TYW1B: variants seen among roughly 807,000 people sequenced by gnomAD.
TYW1B encodes S-adenosyl-L-methionine-dependent tRNA 4-demethylwyosine synthase TYW1B.
A neutral mutation model predicts 86.9 loss-of-function variants in TYW1B; 73 were observed. The ratio of observed to expected loss-of-function variants is 0.84; its 90% CI spans 0.70 to 1.02. The LOEUF is 1.02. Among genes scored for constraint, TYW1B ranks in the 50% least tolerant of loss-of-function variants. TYW1B has a pLI of 0.00. For synonymous variants in TYW1B, 248 were observed against 292.8 expected (o/e 0.85, Z 1.56); for missense variants, 637 against 827.4 (o/e 0.77, Z 2.82).
chr7:72,639,283 C>T (rs1159433044), intron 11 of TYW1B, among the ~76,000 whole-genome samples: 2 of 151,356 alleles, frequency 1.3e-5, no homozygotes, highest in Admixed American at 1.3e-4. Context: ...GACAGGGTTT[C>T]ACTCTGTCAC....
chr7:72,826,986 C>A lies in TYW1B; in HGVS notation c.5-1G>T, dbSNP rs1554481551. 4 of 1,601,246 alleles carry A rather than the reference C, an allele frequency of 2.5e-6. No homozygotes were observed. In the South Asian group the frequency reaches 4.5e-5, roughly 18 times the overall value. On this transcript the variant is annotated splice_acceptor_variant, in intron 1 of 13. Coordinates refer to ENST00000620995, the MANE Select transcript of TYW1B (RefSeq NM_001145440.3). LOFTEE classifies it high-confidence loss of function. Reference sequence around the variant, plus strand: ...AGGTCCCATGTATCCGCAGAAGGATCTAAATTTAAAATGACACACACAGAT... The same window carrying A: ...AGGTCCCATGTATCCGCAGAAGGATATAAATTTAAAATGACACACACAGAT...
chr7:72,703,041 T>TGAGA (rs1554452984), intron 10 of TYW1B, among the ~76,000 whole-genome samples: 4 of 141,662 alleles, frequency 2.8e-5, no homozygotes, highest in East Asian at 2.1e-4. Context: ...TTTTTTTTTT[T>TGAGA]TGAGATGGAG....
intron 5 of TYW1B, among the ~76,000 whole-genome samples, chr7:72,802,809 C>G (rs184383269): frequency 6.6e-6 from 1 of 152,090 alleles, no homozygotes; most frequent in South Asian, 2.1e-4. Context: ...TTAGTAGAGA[C>G]AGGGTTTCAC....
chr7:72,677,989 A>G (rs1276400109), intron 11 of TYW1B, among the ~76,000 whole-genome samples: 3 of 152,198 alleles, frequency 2.0e-5, no homozygotes, highest in Non-Finnish European at 4.4e-5. Context: ...GGCGTGAGCC[A>G]CCGCACCCAG....
intron 12 of TYW1B, among the ~76,000 whole-genome samples, chr7:72,624,198 T>A (rs1812288184): frequency 6.6e-6 from 1 of 152,230 alleles, no homozygotes; most frequent in Non-Finnish European, 1.5e-5. Context: ...TGTAGTTTAA[T>A]CCTATTGAAC....
chr7:72,764,950 C>T (rs1554468059), intron 7 of TYW1B, among the ~76,000 whole-genome samples: 3 of 152,234 alleles, frequency 2.0e-5, no homozygotes. Flanking sequence ...GCTTTTCCTT[C>T]CTATTGGATT....
chr7:72,795,152 C>G (rs1292769041), intron 6 of TYW1B, among the ~76,000 whole-genome samples: 1 of 151,944 alleles, frequency 6.6e-6, no homozygotes, highest in Non-Finnish European at 1.5e-5. Flanking sequence ...TGCCTCCCCC[C>G]AGCTGCTCCC....
At chr7:72,795,354 T>C (rs1256263232) in intron 6 of TYW1B, among the ~76,000 whole-genome samples, 1 of 151,900 alleles carries the variant, frequency 6.6e-6, no homozygotes, top group Non-Finnish European at 1.5e-5. Context: ...TTTCTCATCG[T>C]CTCTTTTAAT....
At chr7:72,698,894 A>T (rs1554451983) in intron 10 of TYW1B, among the ~76,000 whole-genome samples, 1 of 152,194 alleles carries the variant, frequency 6.6e-6, no homozygotes, top group Non-Finnish European at 1.5e-5. Flanking sequence ...AGAAGCCAAA[A>T]CAACAAGTCC....
Position 72,826,768 on chromosome 7 carries a change from A to G in TYW1B, c.135+87T>C, listed in dbSNP as rs1383704787. 20 of 1,507,110 alleles carry G rather than the reference A, an allele frequency of 1.3e-5. No individual in the cohort carries two copies. The East Asian group carries it at 4.3e-4, about 32-fold the overall frequency. The allele number at this position is 1,507,110 out of a possible 1,614,324, so 93.4% of individuals were successfully genotyped here. On this transcript the variant is annotated intron_variant, in intron 2 of 13. Coordinates refer to ENST00000620995, the MANE Select transcript of TYW1B (RefSeq NM_001145440.3). ...TTAAAATGTCTAAAGACCAAACACA[A>G]AAGTAATTAAAGGTTCCTTTTAGTG...
intron 11 of TYW1B, among the ~76,000 whole-genome samples, chr7:72,693,235 T>C (rs1814216736): frequency 6.6e-6 from 1 of 152,010 alleles, no homozygotes; most frequent in South Asian, 2.1e-4. Context: ...TTACTTTAGG[T>C]GAAAAAGAAA....
chr7:72,797,995 T>C (rs1377422353), intron 6 of TYW1B, among the ~76,000 whole-genome samples: 1 of 107,398 alleles, frequency 9.3e-6, no homozygotes, highest in Non-Finnish European at 1.9e-5. Context: ...AGCTAGAAAA[T>C]ACTATTTATA....
rs76441894 is a variant in TYW1B, at chr7:72,818,076, TAAA to T, written c.136-2598_136-2596del. Among the ~76,000 whole-genome samples, 622 of 132,870 alleles carry T rather than the reference TAAA, an allele frequency of 4.7e-3. 5 individuals carry two copies. Among genetic ancestry groups the T allele is most frequent in the African/African-American group, 0.016 (589 of 35,838 alleles). The allele number at this position is 132,870 out of a possible 152,430, so 87.2% of individuals were successfully genotyped here. On this transcript the variant is annotated intron_variant, in intron 2 of 13. Coordinates refer to ENST00000620995, the MANE Select transcript of TYW1B (RefSeq NM_001145440.3). ...GCCCTATCAGTTCATAGCTGGCTGT[TAAA>T]AAAAAAAAAAAAGCCTCACATCTCT...
intron 6 of TYW1B, among the ~76,000 whole-genome samples, chr7:72,799,325 AT>A (rs1788363836): frequency 6.8e-6 from 1 of 147,712 alleles, no homozygotes; most frequent in South Asian, 2.1e-4. Flanking sequence ...TGCCCGGCTA[AT>A]TTTTTTTGTA....
At chr7:72,807,444 G>A (rs541182696) in intron 4 of TYW1B, 88 bp from the exon 5 acceptor site, 8 of 1,514,436 alleles carry the variant, frequency 5.3e-6, no homozygotes, top group South Asian at 4.0e-5. Flanking sequence ...AGTCCTTCTG[G>A]GGCCCCTGGT....
rs781996061 is a variant in TYW1B at position 72,694,748 on chromosome 7, C to T, written c.1445G>A (p.Arg482His). The T allele has an allele frequency of 9.9e-6, 16 of 1,613,606 alleles. No individual in the cohort carries two copies. Among genetic ancestry groups the T allele is most frequent in the African/African-American group, 6.7e-5 (5 of 74,834 alleles). Residue 482 changes from arginine (R) to histidine (H), a missense_variant, in exon 11 of 14, where the codon CGC becomes CAC. Transcript: ENST00000620995. ...CTGCCAGAAATCCTTGAAGAGTGGG[C>T]GGTCGATTTTCTTCAGGCTGTCTTT... Reference protein sequence around the residue: ...STKDSLKKIDRPLFKDFWQQF... With the variant: ...STKDSLKKIDHPLFKDFWQQF...
chr7:72,679,747 A>G (rs142052745), intron 11 of TYW1B, among the ~76,000 whole-genome samples: 199 of 152,330 alleles, frequency 1.3e-3, no homozygotes, highest in South Asian at 2.9e-3. Context: ...AAGGATACAT[A>G]TAGGGTTACA....
chr7:72,771,597 A>C (rs536707823), intron 7 of TYW1B, among the ~76,000 whole-genome samples: 3 of 152,306 alleles, frequency 2.0e-5, no homozygotes, highest in Admixed American at 6.5e-5. Context: ...AAACCTGCAA[A>C]GCTTCACCCC....
intron 12 of TYW1B, among the ~76,000 whole-genome samples, chr7:72,624,996 T>G (rs1554438522): frequency 6.6e-6 from 1 of 151,546 alleles, no homozygotes; most frequent in African/African-American, 2.4e-5. Context: ...GAGGCGGAGG[T>G]TGCAGTGAAC....
Sources: allele counts gnomAD v4.1 joint callset (sites outside exome capture counted in the v4.1 genomes callset), GRCh38; gene constraint gnomAD v4.1.1; transcripts MANE v1.5; gene names NCBI Gene and HGNC (gene_info 2026-07-23, HGNC 2026-07-21).